NLRP14: variants seen among roughly 807,000 people sequenced by gnomAD.
NLRP14 encodes NLR family pyrin domain containing 14, also known as NACHT, LRR and PYD domains-containing protein 14.
Under a neutral mutation model 94.7 loss-of-function variants are expected in NLRP14, and 105 were observed. The observed-to-expected ratio is 1.11, with a 90% CI of 0.95 to 1.30. The LOEUF (loss-of-function observed/expected upper bound fraction) is 1.30. Ranked by LOEUF, NLRP14 falls within the 50% of genes most tolerant of loss-of-function variation. The pLI is 0.00. For synonymous variants in NLRP14, 508 were observed against 459.9 expected, an observed-to-expected ratio of 1.10 and a Z score of -1.34; for missense variants, 1,362 against 1,254.1, an observed-to-expected ratio of 1.09 and a Z score of -1.30.
the NLRP14 span, among the ~76,000 whole-genome samples, chr11:7,077,925 T>C: frequency 6.6e-6 from 1 of 151,838 alleles, no homozygotes; most frequent in African/African-American, 2.4e-5. Context: ...GACAGAAGAA[T>C]GGTAGTTGCC....
chr11:7,080,621 G>A, the NLRP14 span, among the ~76,000 whole-genome samples: 1 of 152,058 alleles, frequency 6.6e-6, no homozygotes, highest in Admixed American at 6.6e-5. Flanking sequence ...GGTCACACAG[G>A]TTCAAGCCAC....
the NLRP14 span, among the ~76,000 whole-genome samples, chr11:7,081,585 T>C: frequency 1.3e-5 from 2 of 152,218 alleles, no homozygotes; most frequent in Admixed American, 1.3e-4. Context: ...AGGAGTCTTT[T>C]TCTAAGATGG....
intron 10 of NLRP14, 56 bp from the exon 11 acceptor site, chr11:7,070,230 G>A (rs774203330): frequency 3.9e-6 from 5 of 1,269,110 alleles, no homozygotes; most frequent in Non-Finnish European, 5.7e-6. Flanking sequence ...TCTCTTGTGG[G>A]CTTTGTTGTG....
the NLRP14 span, among the ~76,000 whole-genome samples, chr11:7,078,437 C>T: frequency 2.6e-4 from 4 of 15,360 alleles, no homozygotes; most frequent in African/African-American, 6.8e-4. Context: ...GACTCTGTCT[C>T]AAAAAAAAAA....
chr11:7,090,517 C>T, the NLRP14 span: 2 of 635,168 alleles, frequency 3.1e-6, no homozygotes, highest in Non-Finnish European at 5.5e-6. Context: ...TTTCAACAAG[C>T]TCCTGTTAAA....
the NLRP14 span, among the ~76,000 whole-genome samples, chr11:7,077,881 A>T: frequency 1.3e-5 from 2 of 152,086 alleles, no homozygotes; most frequent in African/African-American, 4.8e-5. Context: ...GCCAAACCAT[A>T]TCAGAGGGGG....
intron 6 of NLRP14, among the ~76,000 whole-genome samples, chr11:7,052,171 G>T (rs1370648120): frequency 6.6e-6 from 1 of 152,174 alleles, no homozygotes; most frequent in Non-Finnish European, 1.5e-5. Flanking sequence ...TTCTTAGTTT[G>T]CATATGCTCT....
chr11:7,048,908 T>A (rs1269411992), intron 5 of NLRP14, among the ~76,000 whole-genome samples: 1 of 152,108 alleles, frequency 6.6e-6, no homozygotes, highest in Non-Finnish European at 1.5e-5. Context: ...GTGCCATTTA[T>A]GTTTACTGAG....
At chr11:7,022,330 A>C (rs1851959085) in intron 1 of NLRP14, among the ~76,000 whole-genome samples, 1 of 152,182 alleles carries the variant, frequency 6.6e-6, no homozygotes, top group Non-Finnish European at 1.5e-5. Flanking sequence ...GGAGTGAAGA[A>C]ACTGCCTTGC....
At chr11:7,066,771 G>A (rs185458631) in intron 10 of NLRP14, among the ~76,000 whole-genome samples, 2 of 152,026 alleles carry the variant, frequency 1.3e-5, no homozygotes, top group African/African-American at 2.4e-5. Context: ...TTGTCCATGC[G>A]TATGTCCTGA....
chr11:7,038,351 T>C (rs1852190697), intron 1 of NLRP14, among the ~76,000 whole-genome samples: 1 of 152,164 alleles, frequency 6.6e-6, no homozygotes, highest in South Asian at 2.1e-4. Flanking sequence ...CATAAGAAGA[T>C]GGAATAAATA....
chr11:7,024,310 T>C (rs535626722), intron 1 of NLRP14, among the ~76,000 whole-genome samples: 2 of 152,248 alleles, frequency 1.3e-5, no homozygotes, highest in East Asian at 3.9e-4. Flanking sequence ...GCTAACGTAG[T>C]TTTCCAAAAA....
At chr11:7,088,983 C>T in the NLRP14 span, 1 of 1,020,466 alleles carries the variant, frequency 9.8e-7, no homozygotes, top group Non-Finnish European at 1.5e-6. Flanking sequence ...AGCGGGGCTC[C>T]GGCTGCGGTT....
chr11:7,083,006 C>T, the NLRP14 span, among the ~76,000 whole-genome samples: 20 of 152,204 alleles, frequency 1.3e-4, no homozygotes, highest in African/African-American at 4.8e-4. Flanking sequence ...CTTGCAGTTG[C>T]AGCCTTGAGC....
chr11:7,076,055 T>A (rs1472666178), downstream of NLRP14, among the ~76,000 whole-genome samples: 4 of 151,960 alleles, frequency 2.6e-5, no homozygotes, highest in African/African-American at 9.7e-5. Context: ...AATTTTGGGG[T>A]TCTACAACAG....
rs779120434 is a variant in NLRP14, at chr11:7,042,968, A to G, written c.942A>G (p.Arg314=). 1 of 1,614,120 alleles carries G rather than the reference A, an allele frequency of 6.2e-7. No homozygotes were observed. The highest frequency in any genetic ancestry group is 8.5e-7 in the Non-Finnish European group (1 of 1,179,968). The change falls in exon 4 of 12, where the codon AGA becomes AGG. Residue 314 remains arginine (R), a synonymous_variant. Transcript: ENST00000299481. ...CAACAAGACTCACAACTTCTAAGAG[A>G]CTAAAGCAGTTGTTGAAGAATCACC... ...LVTTRLTTSK[R]LKQLLKNHHY...
In NLRP14 at chr11:7,059,940, A is replaced by T; in HGVS notation, c.2680A>T (p.Thr894Ser). The T allele has an allele frequency of 6.2e-7, 1 of 1,612,668 alleles. No individual in the cohort carries two copies. Among genetic ancestry groups the T allele is most frequent in the Non-Finnish European group, 8.5e-7 (1 of 1,178,984 alleles). ...FTSLSSEYLSTSLLHNKSLTH... is the reference protein window; with the variant it reads ...FTSLSSEYLSSSLLHNKSLTH... The stretch of plus-strand genomic sequence containing the variant: ...TTCACTTAGCAGTGAATATCTGTCA[A>T]CTTCTCTTCTACACAACAAGAGCCT... The change falls in exon 9 of 12, where the codon ACT (threonine) becomes TCT (serine). Residue 894 changes from threonine (T) to serine (S), a missense_variant. By Grantham distance (58) the Thr-to-Ser change is moderately conservative. Transcript: ENST00000299481.
intron 1 of NLRP14, among the ~76,000 whole-genome samples, chr11:7,024,837 G>A (rs1851992981): frequency 6.6e-6 from 1 of 152,110 alleles, no homozygotes; most frequent in South Asian, 2.1e-4. Context: ...GTCACTTTTT[G>A]TATCAAAAGG....
intron 9 of NLRP14, among the ~76,000 whole-genome samples, chr11:7,061,062 C>T (rs992527922): frequency 6.6e-6 from 1 of 151,968 alleles, no homozygotes; most frequent in African/African-American, 2.4e-5. Flanking sequence ...AATGGTCTAA[C>T]CCCAACATAG....
Sources: gnomAD v4.1 joint callset for allele counts (sites outside exome capture counted in the v4.1 genomes callset) on GRCh38, gnomAD v4.1.1 for gene constraint, MANE v1.5 for transcripts, NCBI Gene and HGNC (gene_info 2026-07-23, HGNC 2026-07-21) for gene names.